AK5: variants seen among roughly 807,000 people sequenced by gnomAD.
AK5 encodes adenylate kinase 5.
In AK5, 27 loss-of-function variants were observed where a neutral mutation model predicts 69.5. The observed-to-expected ratio is 0.39, with a 90% CI of 0.29 to 0.54. The LOEUF (loss-of-function observed/expected upper bound fraction) is 0.54. AK5 is among the 20% of genes least tolerant of loss of function. The pLI is 0.71. For missense variants in AK5, 531 were observed against 700.4 expected, an observed-to-expected ratio of 0.76 and a Z score of 2.73; for synonymous variants, 260 against 244.4, an observed-to-expected ratio of 1.06 and a Z score of -0.60.
At chr1:77,497,263 A>C (rs1436838322) in intron 10 of AK5, among the ~76,000 whole-genome samples, 1 of 151,974 alleles carries the variant, frequency 6.6e-6, no homozygotes, top group East Asian at 1.9e-4. Context: ...CCATGAACCC[A>C]CCGGGAGGAA....
chr1:77,348,945 A>G lies in AK5; in HGVS notation c.891+8377A>G, dbSNP rs1225772009. 2.6e-5 allele frequency among the ~76,000 whole-genome samples: 4 copies of G among 152,200 alleles called. No homozygotes were observed. In the East Asian group the frequency reaches 5.8e-4, roughly 22 times the overall value. ...AAATAATACTTTTGGTAATGTCCCT[A>G]GACTAAATTTTTTTCATGTTTAAGG... On this transcript the variant is annotated intron_variant, in intron 6 of 13. Transcript: ENST00000354567.
chr1:77,283,642 T>C (rs865995746), intron 1 of AK5: 6 of 984,474 alleles, frequency 6.1e-6, no homozygotes, highest in Middle Eastern at 5.2e-4. Flanking sequence ...AAGCGTGGTA[T>C]GTGAAGCCCA....
intron 8 of AK5, among the ~76,000 whole-genome samples, chr1:77,463,540 G>A (rs983718016): frequency 1.4e-5 from 2 of 147,450 alleles, no homozygotes; most frequent in African/African-American, 5.0e-5. Flanking sequence ...AGATTCTTTA[G>A]GTTGTAAGAC....
intron 5 of AK5, among the ~76,000 whole-genome samples, chr1:77,312,795 T>C (rs887481028): frequency 6.6e-6 from 1 of 152,098 alleles, no homozygotes; most frequent in African/African-American, 2.4e-5. Flanking sequence ...ATCCAGTTTT[T>C]CTTCCAGTTT....
Position 77,341,420 on chromosome 1 carries a change from G to A in AK5, c.891+852G>A, listed in dbSNP as rs892494864. Among the ~76,000 whole-genome samples, 57 of 152,274 alleles carry A rather than the reference G, an allele frequency of 3.7e-4. 1 individual carries two copies. Among genetic ancestry groups the A allele is most frequent in the African/African-American group, 1.3e-3 (52 of 41,572 alleles). On this transcript the variant is annotated intron_variant, in intron 6 of 13. Coordinates refer to ENST00000354567, the MANE Select transcript of AK5 (RefSeq NM_174858.3). Reference sequence around the variant, plus strand: ...TGGCAGAATCCTCCTCTCAGCCCTCGGGCCCGGGCCAGTGGACCAAAGAGT... The same window carrying A: ...TGGCAGAATCCTCCTCTCAGCCCTCAGGCCCGGGCCAGTGGACCAAAGAGT...
At chr1:77,421,631 C>G (rs1305712589) in intron 8 of AK5, among the ~76,000 whole-genome samples, 2 of 152,136 alleles carry the variant, frequency 1.3e-5, no homozygotes, top group African/African-American at 4.8e-5. Context: ...AGAAATGGAG[C>G]TTATTTATAT....
At chr1:77,475,389 T>TA in intron 8 of AK5, among the ~76,000 whole-genome samples, 1 of 11,822 alleles carries the variant, frequency 8.5e-5, no homozygotes, top group South Asian at 5.7e-3. Context: ...TATATATATG[T>TA]ATATATATAA....
At chr1:77,403,348 G>A (rs977816044) in intron 6 of AK5, among the ~76,000 whole-genome samples, 1 of 152,074 alleles carries the variant, frequency 6.6e-6, no homozygotes, top group Non-Finnish European at 1.5e-5. Flanking sequence ...TGCTTTTGGT[G>A]TTTTAGTCAT....
chr1:77,550,191 CCTCAGCCTCCTAAAG>C (rs1343301010), intron 13 of AK5, among the ~76,000 whole-genome samples: 1 of 152,186 alleles, frequency 6.6e-6, no homozygotes, highest in African/African-American at 2.4e-5. Context: ...AATCCTCCTA[CCTCAGCCTCCTAAAG>C]CATGGGCAGT....
At chr1:77,419,064 G>A (rs78635150) in intron 8 of AK5, among the ~76,000 whole-genome samples, 1 of 149,162 alleles carries the variant, frequency 6.7e-6, no homozygotes. Flanking sequence ...AAAAAAAAAG[G>A]ACTAGAAGAG....
At chr1:77,402,207 G>GCTAC (rs1271587020) in intron 6 of AK5, among the ~76,000 whole-genome samples, 1 of 152,064 alleles carries the variant, frequency 6.6e-6, no homozygotes, top group Non-Finnish European at 1.5e-5. Context: ...CTCTACCTAT[G>GCTAC]CTACCGCTGC....
Position 77,558,859 on chromosome 1 carries a change from T to A in AK5, c.*189T>A. ...GTGTCTGGAAATCATGCATGGTGTA[T>A]TTGGGACTATATCAACCTATTCTCC... On this transcript the variant is annotated 3_prime_UTR_variant, in exon 14 of 14. Coordinates refer to ENST00000354567, the MANE Select transcript of AK5 (RefSeq NM_174858.3). The A allele has an allele frequency of 1.7e-6, 1 of 582,068 alleles. No individual in the cohort carries two copies. The highest frequency in any genetic ancestry group is 3.1e-6 in the Non-Finnish European group (1 of 317,466). The allele number at this position is 582,068 out of a possible 1,614,324, so 36.1% of individuals were successfully genotyped here.
At chr1:77,298,517 A>T (rs1257622320) in intron 5 of AK5, among the ~76,000 whole-genome samples, 1 of 152,064 alleles carries the variant, frequency 6.6e-6, no homozygotes, top group African/African-American at 2.4e-5. Flanking sequence ...ATTAAAAAAA[A>T]TTAAGGCTGG....
rs138329691 is a variant in AK5 at position 77,283,294 on chromosome 1, G to T, written c.60+921G>T. The T allele has an allele frequency of 6.4e-4, 633 of 985,404 alleles. 6 individuals are homozygous for T. The African/African-American group carries it at 9.8e-3, about 15-fold the overall frequency. The allele number at this position is 985,404 out of a possible 1,614,324, so 61.0% of individuals were successfully genotyped here. On this transcript the variant is annotated intron_variant, in intron 1 of 13. Transcript: ENST00000354567. The stretch of plus-strand genomic sequence containing the variant: ...CTCAAGTGCTTTTGCTTGAAGTAGG[G>T]GGGAGGAGGAGAAAAGAATAGAAGC...
chr1:77,388,218 T>A (rs1648154150), intron 6 of AK5, among the ~76,000 whole-genome samples: 1 of 152,222 alleles, frequency 6.6e-6, no homozygotes, highest in South Asian at 2.1e-4. Flanking sequence ...AAATACAATA[T>A]CACAAGTGTT....
chr1:77,285,989 C>T (rs1254898925), intron 1 of AK5, among the ~76,000 whole-genome samples: 4 of 152,072 alleles, frequency 2.6e-5, no homozygotes, highest in African/African-American at 7.2e-5. Context: ...AAGACTATTG[C>T]ATAACCGAAT....
chr1:77,407,085 A>T (rs1649709066), intron 6 of AK5, among the ~76,000 whole-genome samples: 1 of 126,378 alleles, frequency 7.9e-6, no homozygotes, highest in African/African-American at 3.4e-5. Context: ...TGAGGTAAAA[A>T]AAAAAAAAAA....
chr1:77,352,881 TAA>T (rs1662286432), intron 6 of AK5, among the ~76,000 whole-genome samples: 1 of 152,192 alleles, frequency 6.6e-6, no homozygotes, highest in African/African-American at 2.4e-5. Context: ...AGGTTAGTCT[TAA>T]GTTTCATTTT....
At chr1:77,427,562 A>C (rs1382338674) in intron 8 of AK5, among the ~76,000 whole-genome samples, 1 of 152,188 alleles carries the variant, frequency 6.6e-6, no homozygotes, top group South Asian at 2.1e-4. Flanking sequence ...GGAAGAAATC[A>C]TACCAATTCT....
Sources: gnomAD v4.1 joint callset for allele counts (sites outside exome capture counted in the v4.1 genomes callset) on GRCh38, gnomAD v4.1.1 for gene constraint, MANE v1.5 for transcripts, NCBI Gene and HGNC (gene_info 2026-07-23, HGNC 2026-07-21) for gene names.